CDC42BPG: variants seen among roughly 807,000 people sequenced by gnomAD.
CDC42BPG encodes CDC42 binding protein kinase gamma.
CDC42BPG carries 157 observed loss-of-function variants against 192.2 expected under a neutral mutation model. That is an observed-to-expected ratio of 0.82 (90% CI 0.72 to 0.93). The LOEUF (loss-of-function observed/expected upper bound fraction) is 0.93. Ranked by LOEUF, CDC42BPG falls within the 40% of genes least tolerant of loss-of-function variation. The pLI, the probability that CDC42BPG is intolerant of heterozygous loss-of-function variation, is 0.00. For missense variants in CDC42BPG, 1,992 were observed against 2,122.1 expected (o/e 0.94, Z 1.20); for synonymous variants, 981 against 918.5 (o/e 1.07, Z -1.23).
Position 64,831,581 on chromosome 11 carries a change from C to T in CDC42BPG, c.3228G>A (p.Arg1076=), listed in dbSNP as rs181385287. The T allele has an allele frequency of 3.1e-6, 5 of 1,612,562 alleles. No individual in the cohort carries two copies. The East Asian group carries it at 1.1e-4, about 36-fold the overall frequency. The change falls in exon 28 of 37, where the codon CGG becomes CGA. Residue 1076 remains arginine, a synonymous_variant. Transcript: ENST00000342711. ...AAGCCTCCTTGAGTGTGTACACGGG[C>T]CGGGGTCTTGGCCGCGCGTCCAGCA... is the stretch of plus-strand genomic sequence containing the variant. ...RLLLDARPRP[R]PVYTLKEAYD...
At chr11:64,844,042 G>A (rs1409737749) in intron 1 of CDC42BPG, among the ~76,000 whole-genome samples, 1 of 152,206 alleles carries the variant, frequency 6.6e-6, no homozygotes, top group Non-Finnish European at 1.5e-5. Flanking sequence ...ATCAGTGGGT[G>A]ACATGCATGA....
At position 64,839,108 on chromosome 11, in the gene CDC42BPG, A is replaced by G. The variant is rs1339153387; in HGVS notation, c.801T>C (p.Tyr267=). 15 of 1,613,590 alleles carry G rather than the reference A, an allele frequency of 9.3e-6. No individual in the cohort carries two copies. Among genetic ancestry groups the G allele is most frequent in the Non-Finnish European group, 1.2e-5 (14 of 1,180,034 alleles). ...CDWWSLGVCA[Y]ELLFGETPFY... ...AGGGCGTCTCCCCAAAGAGCAGCTC[A>G]TAGGCGCAGACTCCAAGCGACCACC... Residue 267 remains tyrosine, a synonymous_variant, in exon 7 of 37, where the codon TAT becomes TAC. Coordinates refer to ENST00000342711, the MANE Select transcript of CDC42BPG (RefSeq NM_017525.3).
At chr11:64,826,862 A>G in intron 34 of CDC42BPG, 68 bp from the exon 35 acceptor site, 1 of 1,438,832 alleles carries the variant, frequency 7.0e-7, no homozygotes, top group Non-Finnish European at 9.2e-7. Context: ...CCAAGGCACA[A>G]CAGACCAGGA....
rs1943290844 is a variant in CDC42BPG at position 64,841,747 on chromosome 11, G to A, written c.253-14C>T. ...CACCACGGTGACCTAAGGCCACAGG[G>A]AGGACCGGGGTGAGCCCAGCCCGGT... is the stretch of plus-strand genomic sequence containing the variant. On this transcript the variant is annotated splice_polypyrimidine_tract_variant and intron_variant, in intron 2 of 36. Coordinates refer to ENST00000342711, the MANE Select transcript of CDC42BPG (RefSeq NM_017525.3). The A allele has an allele frequency of 6.2e-7, 1 of 1,613,902 alleles. No individual in the cohort carries two copies. The highest frequency in any genetic ancestry group is 1.3e-5 in the African/African-American group (1 of 75,046).
intron 36 of CDC42BPG, among the ~76,000 whole-genome samples, chr11:64,826,031 C>T (rs1942399151): frequency 6.8e-6 from 1 of 147,488 alleles, no homozygotes; most frequent in African/African-American, 2.5e-5. Flanking sequence ...TGTGCCACTG[C>T]ACTCCAGTCT....
In CDC42BPG at chr11:64,836,520, C is replaced by A; in HGVS notation, c.1395G>T (p.Arg465Ser). ...CCGTCTGGGACAATGAGGCCTTGTC[C>A]CTCAGCATCTCTGCCAGGAAGAGTC... ...TLRDRLPEML[R>S]DKASLSQTDG... The change falls in exon 12 of 37, where the codon AGG becomes AGT. Residue 465 changes from arginine to serine, a missense_variant. Around this residue, in one of 2 missense-constraint regions of CDC42BPG, gnomAD observed 1,656 missense variants for 1,844.3 expected, o/e 0.90. Coordinates refer to ENST00000342711, the MANE Select transcript of CDC42BPG (RefSeq NM_017525.3). 1 of 1,613,262 alleles carries A rather than the reference C, an allele frequency of 6.2e-7. No individual in the cohort carries two copies. Among genetic ancestry groups the A allele is most frequent in the Non-Finnish European group, 8.5e-7 (1 of 1,179,888 alleles).
Position 64,829,572 on chromosome 11 carries a change from T to A in CDC42BPG, c.3866A>T (p.Glu1289Val). 6.2e-7 allele frequency: 1 copy of A among 1,612,632 alleles called. No individual in the cohort carries two copies. The highest frequency in any genetic ancestry group is 1.1e-5 in the South Asian group (1 of 90,984). ...ALGAVELSLS[E>V]FLLLFTTAGI... is the part of the protein sequence containing the mutation. Reference sequence around the variant, plus strand: ...AGCAGTGGTGAAGAGTAGCAGGAACTCGCTGAGGCTAAGCTCCACGGCACC... The same window carrying A: ...AGCAGTGGTGAAGAGTAGCAGGAACACGCTGAGGCTAAGCTCCACGGCACC... Residue 1289 changes from glutamate to valine, a missense_variant, in exon 30 of 37, where the codon GAG becomes GTG. By Grantham distance (121) the Glu-to-Val change is moderately radical. This residue lies in a region of CDC42BPG where 1,656 missense variants were observed against 1,844.3 expected (regional missense o/e 0.90). Transcript: ENST00000342711.
rs756239166 is a variant in CDC42BPG, at chr11:64,836,820, C to A, written c.1304-1G>T. The A allele has an allele frequency of 6.2e-7, 1 of 1,608,518 alleles. No individual in the cohort carries two copies. Among genetic ancestry groups the A allele is most frequent in the South Asian group, 1.1e-5 (1 of 90,686 alleles). On this transcript the variant is annotated splice_acceptor_variant, in intron 10 of 36. Transcript: ENST00000342711. LOFTEE classifies it high-confidence loss of function. ...TGGTCTGTGGGGGCGTGCAGGGCCTCTGGAGGGGAGGTGGTACCCACAGGT... is the reference window on the plus strand; with the variant it reads ...TGGTCTGTGGGGGCGTGCAGGGCCTATGGAGGGGAGGTGGTACCCACAGGT...
intron 1 of CDC42BPG, among the ~76,000 whole-genome samples, chr11:64,842,203 C>T (rs1318590157): frequency 1.3e-5 from 2 of 152,170 alleles, no homozygotes; most frequent in African/African-American, 4.8e-5. Context: ...TAGTCCTGCC[C>T]AGTCTGCGGC....
intron 34 of CDC42BPG, 103 bp from the exon 35 acceptor site, chr11:64,826,897 G>C: frequency 7.5e-7 from 1 of 1,337,122 alleles, no homozygotes; most frequent in Non-Finnish European, 1.0e-6. Context: ...TGGGCCCCCA[G>C]CCTGGTTTTA....
intron 13 of CDC42BPG, 44 bp downstream of exon 13, chr11:64,836,073 G>A (rs367654538): frequency 3.2e-6 from 5 of 1,539,078 alleles, no homozygotes; most frequent in Non-Finnish European, 4.4e-6. Context: ...AGGCACACTG[G>A]GGGCAGGGCC....
At chr11:64,834,111 T>C in intron 20 of CDC42BPG, 134 bp from the exon 21 acceptor site, 2 of 1,426,376 alleles carry the variant, frequency 1.4e-6, no homozygotes, top group Non-Finnish European at 2.0e-6. Flanking sequence ...CAGCAGGCAC[T>C]CCAGAAGTGC....
intron 4 of CDC42BPG, 55 bp downstream of exon 4, chr11:64,840,498 G>A (rs1399159746): frequency 6.4e-6 from 10 of 1,566,126 alleles, no homozygotes; most frequent in African/African-American, 1.4e-5. Context: ...TGGCCCCAAG[G>A]GCCCTCTCCT....
In CDC42BPG at chr11:64,829,956, G is replaced by A. The variant is rs774031724; in HGVS notation, c.3482C>T (p.Ala1161Val). The change falls in exon 30 of 37, where the codon GCG becomes GTG. Residue 1161 changes from alanine to valine, a missense_variant. Ala to Val is a moderately conservative substitution (Grantham distance 64, BLOSUM62 0). Coordinates refer to ENST00000342711, the MANE Select transcript of CDC42BPG (RefSeq NM_017525.3). Reference sequence around the variant, plus strand: ...TGCTACCTCTATGTTCTCCAGCTCCGCCAGGGCAAAGAGACGCACGCTGGG... The same window carrying A: ...TGCTACCTCTATGTTCTCCAGCTCCACCAGGGCAAAGAGACGCACGCTGGG... ...RGPSVRLFAL[A>V]ELENIEVAGA... 2.4e-5 allele frequency: 39 copies of A among 1,612,284 alleles called. No individual in the cohort carries two copies. Among genetic ancestry groups the A allele is most frequent in the South Asian group, 1.4e-4 (13 of 91,048 alleles).
At position 64,835,850 on chromosome 11, in the gene CDC42BPG, A is replaced by G; in HGVS notation, c.1670T>C (p.Leu557Pro). 1.9e-6 allele frequency: 3 copies of G among 1,609,832 alleles called. No homozygotes were observed. The highest frequency in any genetic ancestry group is 1.7e-6 in the Non-Finnish European group (2 of 1,178,902). Residue 557 changes from leucine (L) to proline (P), a missense_variant and splice_region_variant, in exon 14 of 37, where the codon CTG (leucine) becomes CCG (proline). Around this residue, in one of 2 missense-constraint regions of CDC42BPG, gnomAD observed 1,656 missense variants for 1,844.3 expected, o/e 0.90. Coordinates refer to ENST00000342711, the MANE Select transcript of CDC42BPG (RefSeq NM_017525.3). ...GCTCAGGGAGGACACCTGGGCCTCCAGCTGTGAGGGGTGCAGAGGCAGGCC... is the reference window on the plus strand; with the variant it reads ...GCTCAGGGAGGACACCTGGGCCTCCGGCTGTGAGGGGTGCAGAGGCAGGCC... ...LEEARAAQRE[L>P]EAQVSSLSRQ...
intron 8 of CDC42BPG, 78 bp downstream of exon 8, chr11:64,838,576 G>C: frequency 6.4e-7 from 1 of 1,573,694 alleles, no homozygotes. Flanking sequence ...CCCACCCCAG[G>C]GGACTTCAGA....
At position 64,838,121 on chromosome 11, in the gene CDC42BPG, A is replaced by T; in HGVS notation, c.1167T>A (p.His389Gln). The change falls in exon 9 of 37, where the codon CAT (histidine) becomes CAA (glutamine). Residue 389 changes from histidine (H) to glutamine (Q), a missense_variant. Around this residue, in one of 2 missense-constraint regions of CDC42BPG, gnomAD observed 1,656 missense variants for 1,844.3 expected, o/e 0.90. Transcript: ENST00000342711. ...PPPSHGAFSG[H>Q]HLPFVGFTYT... Reference sequence around the variant, plus strand: ...AGGTGAAGCCCACGAATGGCAGGTGATGGCCGGAGAAGGCCCCGTGGGAGG... The same window carrying T: ...AGGTGAAGCCCACGAATGGCAGGTGTTGGCCGGAGAAGGCCCCGTGGGAGG... 1 of 1,553,620 alleles carries T rather than the reference A, an allele frequency of 6.4e-7. No homozygotes were observed. Among genetic ancestry groups the T allele is most frequent in the Non-Finnish European group, 8.7e-7 (1 of 1,148,952 alleles).
At chr11:64,836,351 C>A in intron 12 of CDC42BPG, 55 bp from the exon 13 acceptor site, 1 of 1,605,592 alleles carries the variant, frequency 6.2e-7, no homozygotes, top group Non-Finnish European at 8.5e-7. Flanking sequence ...CAGGCACGAA[C>A]CGTCCATGGA....
intron 1 of CDC42BPG, among the ~76,000 whole-genome samples, chr11:64,844,186 G>A (rs1005343975): frequency 2.6e-5 from 4 of 152,016 alleles, no homozygotes; most frequent in African/African-American, 2.4e-5. Flanking sequence ...CATGTGTCGG[G>A]GTCTGTGAGA....
Sources: gnomAD v4.1 joint callset for allele counts (sites outside exome capture counted in the v4.1 genomes callset) on GRCh38, gnomAD v4.1.1 for gene constraint, gnomAD v4.1.1 regional missense constraint, MANE v1.5 for transcripts, NCBI Gene and HGNC (gene_info 2026-07-23, HGNC 2026-07-21) for gene names.